Variants in JAK1 observed in about 807,000 individuals in gnomAD.
JAK1 encodes tyrosine-protein kinase JAK1.
A neutral mutation model predicts 136.6 loss-of-function variants in JAK1; 16 were observed. The ratio of observed to expected loss-of-function variants is 0.12; its 90% CI spans 0.08 to 0.18. The LOEUF is 0.18. Ranked by LOEUF, JAK1 falls within the 10% of genes least tolerant of loss-of-function variation. The probability of loss-of-function intolerance (pLI) is 1.00; values close to 1 mark genes in which losing one functional copy is unlikely to be tolerated. For synonymous variants in JAK1, 492 were observed against 519.5 expected (o/e 0.95, Z 0.72); for missense variants, 859 against 1,450.1 (o/e 0.59, Z 6.62).
intron 8 of JAK1, among the ~76,000 whole-genome samples, chr1:64,861,540 G>C (rs770102233): frequency 6.6e-6 from 1 of 152,198 alleles, no homozygotes; most frequent in Non-Finnish European, 1.5e-5. Context: ...CAAAAGCCAT[G>C]ATTTGGAGCT....
intron 2 of JAK1, among the ~76,000 whole-genome samples, chr1:65,028,860 T>C (rs1229214607): frequency 6.6e-6 from 1 of 152,194 alleles, no homozygotes; most frequent in Admixed American, 6.5e-5. Context: ...ACTGGAAGTA[T>C]GGAATTTAAA....
intron 1 of JAK1, among the ~76,000 whole-genome samples, chr1:65,055,722 T>C (rs926770909): frequency 9.9e-5 from 15 of 152,218 alleles, no homozygotes; most frequent in African/African-American, 3.6e-4. Flanking sequence ...TGAAATGCCT[T>C]GAAGATGCCA....
At chr1:64,901,922 A>G (rs1645111378) in intron 1 of JAK1, among the ~76,000 whole-genome samples, 1 of 152,234 alleles carries the variant, frequency 6.6e-6, no homozygotes, top group Admixed American at 6.5e-5. Context: ...CAGGGGATCC[A>G]TGCTGTAGCA....
intron 1 of JAK1, among the ~76,000 whole-genome samples, chr1:64,920,596 AAATT>A (rs1233909316): frequency 6.6e-6 from 1 of 152,162 alleles, no homozygotes; most frequent in Non-Finnish European, 1.5e-5. Flanking sequence ...AAATTAAATT[AAATT>A]AATGCTGGCA....
chr1:64,873,186 G>C (rs1484083288), intron 5 of JAK1, among the ~76,000 whole-genome samples, 184 bp downstream of exon 5: 1 of 152,204 alleles, frequency 6.6e-6, no homozygotes, highest in Non-Finnish European at 1.5e-5. Flanking sequence ...CCAGCCTCTT[G>C]GAAAGCTGAA....
chr1:64,890,364 T>C (rs889655703), intron 1 of JAK1, among the ~76,000 whole-genome samples: 2 of 152,110 alleles, frequency 1.3e-5, no homozygotes, highest in African/African-American at 2.4e-5. Flanking sequence ...AGCAACATTA[T>C]GCAATGAAAA....
At chr1:64,848,573 G>A (rs1389711550) in intron 12 of JAK1, among the ~76,000 whole-genome samples, 9 of 152,256 alleles carry the variant, frequency 5.9e-5, no homozygotes, top group East Asian at 1.9e-4. Flanking sequence ...GAGATGATCC[G>A]TGCAAAGCCC....
At position 65,024,087 on chromosome 1, in the gene JAK1, A is replaced by C. The variant is rs542031542; in HGVS notation, c.-78+20393T>G. On this transcript the variant is annotated intron_variant, in intron 2 of 25. Transcript: ENST00000671954. ...AAGTACTATGAGCATTCTTGTACAA[A>C]ACTTTTTGCGGCCATATATTTCCAT... Among the ~76,000 whole-genome samples the C allele has an allele frequency of 2.0e-5, 3 of 152,204 alleles. No homozygotes were observed. The South Asian group carries it at 6.2e-4, about 32-fold the overall frequency.
chr1:65,049,503 A>C (rs1305945840), intron 1 of JAK1, among the ~76,000 whole-genome samples: 1 of 152,138 alleles, frequency 6.6e-6, no homozygotes, highest in Non-Finnish European at 1.5e-5. Context: ...CGAACTTCAA[A>C]AGAGGTTGGT....
At chr1:64,898,353 G>C (rs1570732033) in intron 1 of JAK1, among the ~76,000 whole-genome samples, 1 of 152,178 alleles carries the variant, frequency 6.6e-6, no homozygotes, top group Non-Finnish European at 1.5e-5. Flanking sequence ...GGATAAAAGG[G>C]AATACAGAGT....
intron 1 of JAK1, among the ~76,000 whole-genome samples, chr1:64,891,543 C>T (rs1644936303): frequency 6.6e-6 from 1 of 152,176 alleles, no homozygotes; most frequent in Non-Finnish European, 1.5e-5. Flanking sequence ...AGAGGAAAGT[C>T]CTAGCAACAT....
intron 2 of JAK1, among the ~76,000 whole-genome samples, chr1:65,039,745 A>C (rs2100832740): frequency 6.6e-6 from 1 of 152,236 alleles, no homozygotes; most frequent in African/African-American, 2.4e-5. Flanking sequence ...ATGCTGACTG[A>C]GCTTCTCCGA....
At chr1:64,848,748 T>C (rs1655401176) in intron 12 of JAK1, among the ~76,000 whole-genome samples, 1 of 152,330 alleles carries the variant, frequency 6.6e-6, no homozygotes, top group Admixed American at 6.5e-5. Context: ...AGATCCATTA[T>C]TCTATTATTT....
intron 3 of JAK1, among the ~76,000 whole-genome samples, chr1:64,880,267 T>C (rs566266848): frequency 6.6e-6 from 1 of 152,362 alleles, no homozygotes; most frequent in South Asian, 2.1e-4. Flanking sequence ...TCAGAAGTTA[T>C]AGTCTTTCTT....
chr1:64,863,161 T>C (rs903876889), intron 8 of JAK1, among the ~76,000 whole-genome samples: 6 of 145,978 alleles, frequency 4.1e-5, no homozygotes, highest in South Asian at 2.2e-4. Flanking sequence ...GGGCCTAATA[T>C]CCAGGATGCA....
Position 64,871,717 on chromosome 1 carries a change from T to C in JAK1, c.483+1653A>G, listed in dbSNP as rs532314305. 5.3e-5 allele frequency among the ~76,000 whole-genome samples: 8 copies of C among 152,326 alleles called. No individual in the cohort carries two copies. The South Asian group carries it at 1.2e-3, about 24-fold the overall frequency. On this transcript the variant is annotated intron_variant, in intron 5 of 24. Coordinates refer to ENST00000342505, the MANE Select transcript of JAK1 (RefSeq NM_002227.4). ...TCAACAGCAAATCCTATCAATTCTATCTTCAAGATGAACAGCAGATCTACT... is the reference window on the plus strand; with the variant it reads ...TCAACAGCAAATCCTATCAATTCTACCTTCAAGATGAACAGCAGATCTACT...
At position 64,884,062 on chromosome 1, in the gene JAK1, G is replaced by A. The variant is rs1644817207; in HGVS notation, c.7-587C>T. ...ATTCATGTTCATAAGTCACATGGAA[G>A]GGCCATAACAATTAATGAATGGAGC... On this transcript the variant is annotated intron_variant, in intron 2 of 24. Coordinates refer to ENST00000342505, the MANE Select transcript of JAK1 (RefSeq NM_002227.4). Among the ~76,000 whole-genome samples, 2 of 152,138 alleles carry A rather than the reference G, an allele frequency of 1.3e-5. 1 individual carries two copies. Among genetic ancestry groups the A allele is most frequent in the South Asian group, 4.1e-4 (2 of 4,820 alleles).
At chr1:64,851,358 T>A (rs1260333552) in intron 11 of JAK1, among the ~76,000 whole-genome samples, 1 of 152,228 alleles carries the variant, frequency 6.6e-6, no homozygotes, top group Non-Finnish European at 1.5e-5. Flanking sequence ...AATGAGTGAA[T>A]GAATGACTGG....
At position 64,839,719 on chromosome 1, in the gene JAK1, G is replaced by A; in HGVS notation, c.2726C>T (p.Ser909Phe). 6.2e-7 allele frequency: 1 copy of A among 1,614,216 alleles called. No homozygotes were observed. The highest frequency in any genetic ancestry group is 1.6e-4 in the Middle Eastern group (1 of 6,062). Residue 909 changes from serine (S) to phenylalanine (F), a missense_variant, in exon 20 of 25, where the codon TCT becomes TTT. By Grantham distance (155) the Ser-to-Phe change is radical. Transcript: ENST00000342505. The stretch of plus-strand genomic sequence containing the variant: ...GTTACCTCCACTCTCAGGCTTCAGA[G>A]ATTTAACAGCCACCTGCTCCCCTGT... ...DNTGEQVAVK[S>F]LKPESGGNHI... is the part of the protein sequence containing the mutation.
Sources: gnomAD v4.1 joint callset for allele counts (sites outside exome capture counted in the v4.1 genomes callset) on GRCh38, gnomAD v4.1.1 for gene constraint, MANE v1.5 for transcripts, NCBI Gene and HGNC (gene_info 2026-07-23, HGNC 2026-07-21) for gene names.